The following JMJD1C variants were observed in gnomAD, a reference collection of about 807,000 sequenced individuals.
JMJD1C encodes the protein jumonji domain-containing protein 1C.
JMJD1C carries 31 observed loss-of-function variants against 245.3 expected under a neutral mutation model. That is an observed-to-expected ratio of 0.13 (90% CI 0.09 to 0.17). The LOEUF (loss-of-function observed/expected upper bound fraction) is 0.17, where lower values mean the gene tolerates loss of function less well. Among genes scored for constraint, JMJD1C ranks in the 10% least tolerant of loss-of-function variants. The pLI is 1.00. For missense variants in JMJD1C, 2,691 were observed against 3,000.2 expected (o/e 0.90, Z 2.41); for synonymous variants, 1,057 against 1,017.4 (o/e 1.04, Z -0.74).
At chr10:63,223,015 C>T in intron 3 of JMJD1C, 1 of 1,339,222 alleles carries the variant, frequency 7.5e-7, no homozygotes, top group Non-Finnish European at 1.1e-6. Flanking sequence ...CACTATATAA[C>T]AATACTATTA....
At chr10:63,334,167 G>A (rs1024925605) in intron 2 of JMJD1C, among the ~76,000 whole-genome samples, 3 of 152,172 alleles carry the variant, frequency 2.0e-5, no homozygotes, top group African/African-American at 7.2e-5. Context: ...TTTCAGTACT[G>A]TTAAATGTGA....
chr10:63,203,719 G>C (rs1846282484), intron 10 of JMJD1C: 1 of 982,828 alleles, frequency 1.0e-6, no homozygotes, highest in Non-Finnish European at 1.2e-6. Context: ...CAAAAGAGTA[G>C]ATAAGACAAA....
Position 63,193,146 on chromosome 10 carries a change from T to G in JMJD1C, c.5868A>C (p.Leu1956Phe), listed in dbSNP as rs760034491. Residue 1956 changes from leucine to phenylalanine, a missense_variant, in exon 16 of 26, where the codon TTA becomes TTC. Physicochemically the swap from Leu to Phe is conservative, Grantham distance 22. This residue lies in a region of JMJD1C where 275 missense variants were observed against 285.5 expected (regional missense o/e 0.96). Coordinates refer to ENST00000399262, the MANE Select transcript of JMJD1C (RefSeq NM_032776.3). ...FPTMNGVSQV[L>F]QNVLNHSNKI... ...TATTACTGTGATTAAGAACATTCTG[T>G]AAAACCTACAAAGGTAGAACAATTA... 1 of 1,610,306 alleles carries G rather than the reference T, an allele frequency of 6.2e-7. No individual in the cohort carries two copies. The highest frequency in any genetic ancestry group is 1.1e-5 in the South Asian group (1 of 91,034).
At chr10:63,336,786 T>G (rs1238168291) in intron 2 of JMJD1C, among the ~76,000 whole-genome samples, 4 of 152,046 alleles carry the variant, frequency 2.6e-5, no homozygotes, top group Admixed American at 2.6e-4. Flanking sequence ...ATAAACAGAG[T>G]GTGAGCCAGG....
chr10:63,516,895 C>T (rs540094096), intron 1 of JMJD1C, among the ~76,000 whole-genome samples: 1 of 152,240 alleles, frequency 6.6e-6, no homozygotes, highest in South Asian at 2.1e-4. Flanking sequence ...ATCTCTGAAG[C>T]CAAACTGAAC....
intron 5 of JMJD1C, among the ~76,000 whole-genome samples, chr10:63,216,182 G>A (rs1395123971): frequency 2.0e-5 from 3 of 151,894 alleles, no homozygotes; most frequent in Non-Finnish European, 2.9e-5. Flanking sequence ...ACTGTTTTAG[G>A]GAAAAAATCA....
At chr10:63,270,669 T>C (rs375525962) in intron 2 of JMJD1C, among the ~76,000 whole-genome samples, 41 of 152,270 alleles carry the variant, frequency 2.7e-4, no homozygotes, top group African/African-American at 6.0e-4. Flanking sequence ...GGTTTCACCA[T>C]GTTGTCCAGA....
chr10:63,314,646 CTTTT>C (rs1246220219), intron 2 of JMJD1C, among the ~76,000 whole-genome samples: 1 of 146,978 alleles, frequency 6.8e-6, no homozygotes, highest in Non-Finnish European at 1.5e-5. Context: ...TTTTTTTCAA[CTTTT>C]ATTTTATTTT....
chr10:63,465,428 G>T, intron 1 of JMJD1C, 67 bp downstream of exon 1: 1 of 1,450,346 alleles, frequency 6.9e-7, no homozygotes, highest in Non-Finnish European at 9.3e-7. Context: ...AGGGAAGCCT[G>T]CAAGGTACGT....
rs771624573 is a variant in JMJD1C at position 63,176,378 on chromosome 10, A to G, written c.7320T>C (p.Leu2440=). ...YVNKKLRQRL[L]EEYGVRTCTL... ...TACAGGTTCTGACTCCATATTCTTCAAGCAGCCTTTGACGGAGCTTTTTGT... is the reference window on the plus strand; with the variant it reads ...TACAGGTTCTGACTCCATATTCTTCGAGCAGCCTTTGACGGAGCTTTTTGT... Residue 2440 remains leucine, a synonymous_variant, in exon 24 of 26, where the codon CTT becomes CTC. Coordinates refer to ENST00000399262, the MANE Select transcript of JMJD1C (RefSeq NM_032776.3). The G allele has an allele frequency of 6.2e-7, 1 of 1,614,090 alleles. No individual in the cohort carries two copies. The highest frequency in any genetic ancestry group is 2.2e-5 in the East Asian group (1 of 44,866).
intron 2 of JMJD1C, among the ~76,000 whole-genome samples, chr10:63,324,007 G>A (rs867781904): frequency 6.7e-6 from 1 of 149,828 alleles, no homozygotes; most frequent in Non-Finnish European, 1.5e-5. Flanking sequence ...GGATGTTCCA[G>A]CTCAGAAAGA....
At chr10:63,296,352 T>G (rs559182825) in intron 2 of JMJD1C, among the ~76,000 whole-genome samples, 100 of 152,200 alleles carry the variant, frequency 6.6e-4, no homozygotes, top group African/African-American at 2.4e-3. Flanking sequence ...ACAGCAGCAC[T>G]ATTAACTCAT....
At chr10:63,313,506 T>G (rs1939518677) in intron 2 of JMJD1C, among the ~76,000 whole-genome samples, 1 of 152,332 alleles carries the variant, frequency 6.6e-6, no homozygotes, top group South Asian at 2.1e-4. Context: ...TACTTCTACT[T>G]AAAGGAATCT....
In JMJD1C at chr10:63,176,270, A is replaced by T. The variant is rs1309889139; in HGVS notation, c.7401+27T>A. 8 of 1,525,228 alleles carry T rather than the reference A, an allele frequency of 5.2e-6. No homozygotes were observed. In the African/African-American group the frequency reaches 6.9e-5, roughly 13 times the overall value. 94.5% of individuals were successfully genotyped at this position (1,525,228 alleles called of 1,614,324 possible). A position where few individuals can be genotyped will look rare whatever the true frequency, so the allele number is the denominator to read the frequency against. Reference sequence around the variant, plus strand: ...AACTAGTTCTTTCAGTCAGTAAAAAATATGTTAGAAATAAGTTTGTATATA... The same window carrying T: ...AACTAGTTCTTTCAGTCAGTAAAAATTATGTTAGAAATAAGTTTGTATATA... On this transcript the variant is annotated intron_variant, in intron 24 of 25. Coordinates refer to ENST00000399262, the MANE Select transcript of JMJD1C (RefSeq NM_032776.3).
chr10:63,179,717 G>A (rs762302682), intron 22 of JMJD1C, among the ~76,000 whole-genome samples: 2 of 151,408 alleles, frequency 1.3e-5, no homozygotes, highest in African/African-American at 2.4e-5. Context: ...AAGCTGCAGT[G>A]AGCTGAGTCT....
chr10:63,374,875 G>A (rs1322492819), intron 2 of JMJD1C, among the ~76,000 whole-genome samples: 1 of 151,632 alleles, frequency 6.6e-6, no homozygotes, highest in Non-Finnish European at 1.5e-5. Flanking sequence ...TTTTGTACTT[G>A]CTAATTTGCC....
At chr10:63,474,375 G>C (rs1294346113) in intron 1 of JMJD1C, among the ~76,000 whole-genome samples, 3 of 152,290 alleles carry the variant, frequency 2.0e-5, no homozygotes, top group South Asian at 2.1e-4. Context: ...TTTAGGATGA[G>C]AGAGATACAT....
intron 3 of JMJD1C, among the ~76,000 whole-genome samples, chr10:63,238,931 T>C (rs546532804): frequency 1.3e-5 from 2 of 152,288 alleles, no homozygotes; most frequent in African/African-American, 4.8e-5. Flanking sequence ...TCCAGTGGAA[T>C]TGAGACAGAC....
intron 3 of JMJD1C, among the ~76,000 whole-genome samples, chr10:63,248,873 A>G (rs563517175): frequency 1.3e-5 from 2 of 152,390 alleles, no homozygotes; most frequent in East Asian, 1.9e-4. Context: ...GTATACGTAC[A>G]TAATGAATAT....
Sources: allele counts gnomAD v4.1 joint callset (sites outside exome capture counted in the v4.1 genomes callset), GRCh38; gene constraint gnomAD v4.1.1; regional missense constraint gnomAD v4.1.1; transcripts MANE v1.5; gene names NCBI Gene and HGNC (gene_info 2026-07-23, HGNC 2026-07-21).